The following LRRD1 variants were observed in gnomAD, a reference collection of about 807,000 sequenced individuals.
LRRD1 encodes the protein leucine rich repeats and death domain containing 1, also known as leucine-rich repeat and death domain-containing protein 1.
A neutral mutation model predicts 69.5 loss-of-function variants in LRRD1; 49 were observed. The ratio of observed to expected loss-of-function variants is 0.70; its 90% CI spans 0.56 to 0.89. LRRD1 has a LOEUF of 0.89. LRRD1 is among the 40% of genes least tolerant of loss of function. The pLI is 0.00. For missense variants in LRRD1, 853 were observed against 956.0 expected, an observed-to-expected ratio of 0.89 and a Z score of 1.42; for synonymous variants, 303 against 338.9, an observed-to-expected ratio of 0.89 and a Z score of 1.16.
At chr7:92,150,769 T>C in intron 3 of LRRD1, 74 bp from the exon 4 acceptor site, 1 of 1,129,560 alleles carries the variant, frequency 8.9e-7, no homozygotes, top group Non-Finnish European at 1.2e-6. Flanking sequence ...ACATCTGTTA[T>C]GTCTTGCTGG....
chr7:92,146,925 A>T (rs937336851), intron 4 of LRRD1, among the ~76,000 whole-genome samples: 51 of 138,244 alleles, frequency 3.7e-4, no homozygotes, highest in Admixed American at 2.6e-4. Flanking sequence ...TCCGTCTCAT[A>T]AAAAAAAAAA....
At chr7:92,168,644 G>A (rs1469107075) in intron 1 of LRRD1, among the ~76,000 whole-genome samples, 1 of 146,944 alleles carries the variant, frequency 6.8e-6, no homozygotes, top group East Asian at 2.0e-4. Flanking sequence ...TGCAAAGGAT[G>A]TAATGACTGA....
At chr7:92,148,397 G>GTA (rs1398231563) in intron 4 of LRRD1, among the ~76,000 whole-genome samples, 1 of 152,022 alleles carries the variant, frequency 6.6e-6, no homozygotes, top group Admixed American at 6.6e-5. Flanking sequence ...AACTCGAGAT[G>GTA]TACCATCCCG....
At chr7:92,151,943 C>T (rs528906657) in intron 3 of LRRD1, among the ~76,000 whole-genome samples, 1 of 146,972 alleles carries the variant, frequency 6.8e-6, no homozygotes, top group East Asian at 2.0e-4. Context: ...GAGCGGAACT[C>T]CATCTCAAAA....
At chr7:92,174,470 AATATATATATATATAT>A (rs1186084706) in intron 1 of LRRD1, among the ~76,000 whole-genome samples, 18 of 20,240 alleles carry the variant, frequency 8.9e-4, no homozygotes, top group African/African-American at 2.3e-3. Flanking sequence ...TATCAATTAG[AATATATATATATATAT>A]ATATATATAT....
intron 2 of LRRD1, among the ~76,000 whole-genome samples, chr7:92,159,840 C>T (rs879523951): frequency 7.9e-5 from 12 of 151,898 alleles, no homozygotes; most frequent in African/African-American, 1.9e-4. Flanking sequence ...AAGCTGGTTT[C>T]GAACTCCTGA....
intron 4 of LRRD1, among the ~76,000 whole-genome samples, chr7:92,148,809 G>A (rs1339475329): frequency 6.6e-6 from 1 of 152,158 alleles, no homozygotes; most frequent in Non-Finnish European, 1.5e-5. Context: ...GTGCAGTGGT[G>A]TGATCTCGGC....
downstream of LRRD1, among the ~76,000 whole-genome samples, chr7:92,144,575 C>G (rs962388860): frequency 7.4e-6 from 1 of 135,206 alleles, no homozygotes; most frequent in Non-Finnish European, 1.5e-5. Flanking sequence ...TGCAGTGAGC[C>G]AAGATCACAC....
intron 4 of LRRD1, among the ~76,000 whole-genome samples, chr7:92,147,988 C>T (rs1820370946): frequency 6.6e-6 from 1 of 152,134 alleles, no homozygotes; most frequent in Non-Finnish European, 1.5e-5. Context: ...GGGATCTCAT[C>T]TCACTACAAT....
chr7:92,143,601 G>T (rs1201157729), downstream of LRRD1, among the ~76,000 whole-genome samples: 1 of 152,142 alleles, frequency 6.6e-6, no homozygotes, highest in Non-Finnish European at 1.5e-5. Flanking sequence ...GGCCGGCTGG[G>T]CTGGCCGGCC....
intron 1 of LRRD1, among the ~76,000 whole-genome samples, chr7:92,169,687 G>A (rs1003940921): frequency 6.6e-6 from 1 of 151,874 alleles, no homozygotes; most frequent in Admixed American, 6.6e-5. Flanking sequence ...TACATTTACT[G>A]AACAGAAAAA....
At chr7:92,141,947 AT>A (rs35436274), downstream of LRRD1, 972 of 146,132 alleles carry the variant, frequency 6.7e-3, 8 homozygotes, top group African/African-American at 0.018. Flanking sequence ...TGTCCACAAT[AT>A]TTTTTTTTTT....
chr7:92,170,607 T>C (rs1039616353), intron 1 of LRRD1, among the ~76,000 whole-genome samples: 1 of 152,190 alleles, frequency 6.6e-6, no homozygotes, highest in African/African-American at 2.4e-5. Flanking sequence ...GTAGGGAATT[T>C]CAACACCACA....
rs1479554864 is a variant in LRRD1 at position 92,165,289 on chromosome 7, T to C, written c.-74-13A>G. 1.4e-6 allele frequency: 1 copy of C among 722,248 alleles called. No individual in the cohort carries two copies. Among genetic ancestry groups the C allele is most frequent in the Non-Finnish European group, 2.0e-6 (1 of 491,622 alleles). 44.7% of individuals were successfully genotyped at this position (722,248 alleles called of 1,614,324 possible). On this transcript the variant is annotated splice_polypyrimidine_tract_variant and intron_variant, in intron 1 of 5. Coordinates refer to ENST00000458448, the MANE Select transcript of LRRD1 (RefSeq NM_001161528.2). Reference sequence around the variant, plus strand: ...TTTTCCTTTGAATCTACAAAACAAATGTTGAAATTAAAAGATGTAAGAGAT... The same window carrying C: ...TTTTCCTTTGAATCTACAAAACAAACGTTGAAATTAAAAGATGTAAGAGAT...
At chr7:92,152,948 G>A (rs760984403) in intron 3 of LRRD1, among the ~76,000 whole-genome samples, 33 of 152,194 alleles carry the variant, frequency 2.2e-4, no homozygotes, top group South Asian at 2.1e-4. Context: ...GATTACAGGC[G>A]TGAGCCACCG....
At position 92,145,176 on chromosome 7, in the gene LRRD1, T is replaced by G. The variant is rs566585280; in HGVS notation, c.2397-102A>C. ...TGAATTGTCAATTAAGAACATTGCT[T>G]TAAACTCCTGTAATATTGTATATCT... On this transcript the variant is annotated intron_variant, in intron 5 of 5. Transcript: ENST00000458448. 4.3e-4 allele frequency: 266 copies of G among 611,882 alleles called. 4 individuals are homozygous for G. The East Asian group carries it at 0.011, about 25-fold the overall frequency. The allele number at this position is 611,882 out of a possible 1,614,324, so 37.9% of individuals were successfully genotyped here.
chr7:92,164,533 ATATGTGGT>A lies in LRRD1; in HGVS notation c.662_669del (p.Asn221IlefsTer5). The stretch of plus-strand genomic sequence containing the variant: ...TGAGATATTTCTTTAGGTATATGTG[ATATGTGGT>A]TATGACTGACATTTAATATCCTTAA... On this transcript the variant is annotated frameshift_variant, in exon 2 of 6. Transcript: ENST00000458448. LOFTEE classifies it high-confidence loss of function. 1 of 1,550,320 alleles carries A rather than the reference ATATGTGGT, an allele frequency of 6.5e-7. No individual in the cohort carries two copies. The highest frequency in any genetic ancestry group is 8.7e-7 in the Non-Finnish European group (1 of 1,146,068).
At position 92,163,487 on chromosome 7, in the gene LRRD1, A is replaced by G. The variant is rs768080500; in HGVS notation, c.1716T>C (p.Pro572=). 31 of 1,529,266 alleles carry G rather than the reference A, an allele frequency of 2.0e-5. No individual in the cohort carries two copies. In the South Asian group the frequency reaches 3.7e-4, roughly 18 times the overall value. 94.7% of individuals were successfully genotyped at this position (1,529,266 alleles called of 1,614,324 possible). A position where few individuals can be genotyped will look rare whatever the true frequency, so the allele number is the denominator to read the frequency against. The change falls in exon 2 of 6, where the codon CCT becomes CCC. Residue 572 remains proline, a synonymous_variant. Transcript: ENST00000458448. ...ILCCNKFETF[P]RELCTLENLQ... ...AATTTTCTAAAGTACACAATTCTCT[A>G]GGGAAAGTTTCAAATTTATTACAGC...
At chr7:92,175,763 G>A (rs1161369175) in intron 1 of LRRD1, among the ~76,000 whole-genome samples, 4 of 152,202 alleles carry the variant, frequency 2.6e-5, no homozygotes, top group African/African-American at 9.6e-5. Context: ...TCACAATTAG[G>A]TTTTTAATCC....
Sources: allele counts gnomAD v4.1 joint callset (sites outside exome capture counted in the v4.1 genomes callset), GRCh38; gene constraint gnomAD v4.1.1; transcripts MANE v1.5; gene names NCBI Gene and HGNC (gene_info 2026-07-23, HGNC 2026-07-21).